The following SPAG16 variants were observed in gnomAD, a reference collection of about 807,000 sequenced individuals.
The protein encoded by SPAG16 is sperm associated antigen 16.
Under a neutral mutation model 80.4 loss-of-function variants are expected in SPAG16, and 86 were observed. The ratio of observed to expected loss-of-function variants is 1.07; its 90% CI spans 0.90 to 1.28. The LOEUF is 1.28. Ranked by LOEUF, SPAG16 falls within the 50% of genes most tolerant of loss-of-function variation. SPAG16 has a pLI of 0.00. For synonymous variants in SPAG16, 294 were observed against 265.9 expected, an observed-to-expected ratio of 1.11 and a Z score of -1.03; for missense variants, 870 against 765.3, an observed-to-expected ratio of 1.14 and a Z score of -1.61.
chr2:213,392,771 G>T (rs1038885559), intron 9 of SPAG16, among the ~76,000 whole-genome samples: 1 of 151,780 alleles, frequency 6.6e-6, no homozygotes, highest in Non-Finnish European at 1.5e-5. Flanking sequence ...GCTTGAACCC[G>T]GGAGGCAGAG....
intron 9 of SPAG16, among the ~76,000 whole-genome samples, chr2:213,479,694 G>A (rs902554713): frequency 1.3e-5 from 2 of 152,084 alleles, no homozygotes; most frequent in African/African-American, 2.4e-5. Flanking sequence ...TGCATTCCTC[G>A]GTCCTCTACA....
intron 10 of SPAG16, among the ~76,000 whole-genome samples, chr2:213,714,640 C>CA (rs1334534218): frequency 5.3e-5 from 8 of 152,106 alleles, no homozygotes; most frequent in Non-Finnish European, 1.2e-4. Flanking sequence ...AGCATGGCCC[C>CA]TACTATGTGC....
intron 14 of SPAG16, among the ~76,000 whole-genome samples, chr2:214,121,069 G>GACAATTTTCAAAAA (rs2054197427): frequency 6.6e-6 from 1 of 151,554 alleles, no homozygotes; most frequent in African/African-American, 2.4e-5. Flanking sequence ...GGGGATTTTT[G>GACAATTTTCAAAAA]TCTGTTTACT....
intron 10 of SPAG16, among the ~76,000 whole-genome samples, chr2:213,540,304 C>A (rs1251661735): frequency 6.6e-6 from 1 of 152,070 alleles, no homozygotes; most frequent in Non-Finnish European, 1.5e-5. Context: ...CACGCCTTGG[C>A]CTCCCAAAGT....
At chr2:213,919,881 A>T (rs900814299) in intron 11 of SPAG16, among the ~76,000 whole-genome samples, 1 of 152,170 alleles carries the variant, frequency 6.6e-6, no homozygotes, top group Non-Finnish European at 1.5e-5. Flanking sequence ...TAATACTGTC[A>T]GTAGGGTGTT....
chr2:214,305,640 TATTGCTTG>T, intron 15 of SPAG16, among the ~76,000 whole-genome samples: 2 of 152,218 alleles, frequency 1.3e-5, no homozygotes, highest in South Asian at 4.1e-4. Flanking sequence ...ACCTTTTCCT[TATTGCTTG>T]TTTTTGTCAT....
chr2:213,963,465 G>A (rs931550111), intron 12 of SPAG16, among the ~76,000 whole-genome samples: 6 of 152,124 alleles, frequency 3.9e-5, no homozygotes, highest in East Asian at 3.9e-4. Flanking sequence ...CCCACTATAC[G>A]ATTTATCTTG....
rs1179382821 is a variant in SPAG16 at position 214,041,000 on chromosome 2, C to G, written c.1527+26923C>G. ...AAATTGGATCTTCTTTGCCTATCTTCCATTTTAAGCACTTTCTTTCTGAGC... is the reference window on the plus strand; with the variant it reads ...AAATTGGATCTTCTTTGCCTATCTTGCATTTTAAGCACTTTCTTTCTGAGC... On this transcript the variant is annotated intron_variant, in intron 13 of 15. Coordinates refer to ENST00000331683, the MANE Select transcript of SPAG16 (RefSeq NM_024532.5). Among the ~76,000 whole-genome samples, 7 of 151,972 alleles carry G rather than the reference C, an allele frequency of 4.6e-5. No homozygotes were observed. The South Asian group carries it at 1.3e-3, about 27-fold the overall frequency.
intron 15 of SPAG16, among the ~76,000 whole-genome samples, chr2:214,208,593 A>T (rs891877056): frequency 2.0e-5 from 3 of 152,188 alleles, no homozygotes; most frequent in Non-Finnish European, 4.4e-5. Context: ...CTAGAGCTAG[A>T]ATGAATTAAT....
intron 15 of SPAG16, among the ~76,000 whole-genome samples, chr2:214,214,137 A>G (rs1310156494): frequency 6.6e-6 from 1 of 151,274 alleles, no homozygotes; most frequent in Non-Finnish European, 1.5e-5. Flanking sequence ...TGTCATTCAT[A>G]CATACTGTTC....
At chr2:213,464,586 G>C (rs1197098495) in intron 9 of SPAG16, among the ~76,000 whole-genome samples, 6 of 152,218 alleles carry the variant, frequency 3.9e-5, no homozygotes, top group African/African-American at 1.2e-4. Flanking sequence ...CCCATACCAG[G>C]AGGTACTGGA....
chr2:214,176,450 T>C (rs886364736), intron 15 of SPAG16, among the ~76,000 whole-genome samples: 11 of 151,288 alleles, frequency 7.3e-5, no homozygotes, highest in Admixed American at 6.0e-4. Context: ...GTTCACTCTA[T>C]CCTGTAGCTG....
chr2:214,342,670 G>A (rs1000357721), intron 15 of SPAG16, among the ~76,000 whole-genome samples: 1 of 152,048 alleles, frequency 6.6e-6, no homozygotes, highest in Non-Finnish European at 1.5e-5. Flanking sequence ...CATAATAAAT[G>A]TAATGTGCTT....
intron 10 of SPAG16, among the ~76,000 whole-genome samples, chr2:213,714,466 C>T (rs1162401671): frequency 1.3e-5 from 2 of 151,944 alleles, no homozygotes; most frequent in African/African-American, 2.4e-5. Context: ...TAACAGGTGG[C>T]AGGGAAGGGG....
chr2:213,781,500 T>G (rs1221309937), intron 10 of SPAG16, among the ~76,000 whole-genome samples: 2 of 151,988 alleles, frequency 1.3e-5, no homozygotes, highest in Admixed American at 1.3e-4. Context: ...TCCTAACCCC[T>G]CCCCTGCCCA....
chr2:213,869,265 A>AAAAAAAAAAAAAAAAAATATATATATACG (rs1491244962), intron 11 of SPAG16, among the ~76,000 whole-genome samples: 3 of 24,830 alleles, frequency 1.2e-4, no homozygotes, highest in Non-Finnish European at 8.4e-4. Context: ...AAAAAAAAAA[A>AAAAAAAAAAAAAAAAAATATATATATACG]TATATATATA....
chr2:213,531,841 T>C (rs2076079761), intron 10 of SPAG16, among the ~76,000 whole-genome samples: 1 of 152,192 alleles, frequency 6.6e-6, no homozygotes, highest in South Asian at 2.1e-4. Flanking sequence ...GAATTGGAAG[T>C]CATGATCTAT....
chr2:214,391,270 G>A (rs1454642012), intron 15 of SPAG16, among the ~76,000 whole-genome samples: 1 of 152,022 alleles, frequency 6.6e-6, no homozygotes, highest in Non-Finnish European at 1.5e-5. Flanking sequence ...GCAGTAAATT[G>A]GTTAATATAT....
At chr2:213,991,230 C>A (rs1244273354) in intron 12 of SPAG16, among the ~76,000 whole-genome samples, 1 of 152,062 alleles carries the variant, frequency 6.6e-6, no homozygotes, top group East Asian at 1.9e-4. Flanking sequence ...TCAACTCCCA[C>A]TTATGAGTGA....
Sources: allele counts gnomAD v4.1 joint callset (sites outside exome capture counted in the v4.1 genomes callset), GRCh38; gene constraint gnomAD v4.1.1; transcripts MANE v1.5; gene names NCBI Gene and HGNC (gene_info 2026-07-23, HGNC 2026-07-21).